The following GRIN2B variants were observed in gnomAD, a reference collection of about 807,000 sequenced individuals.
GRIN2B encodes glutamate receptor ionotropic, NMDA 2B.
Under a neutral mutation model 114.5 loss-of-function variants are expected in GRIN2B, and 5 were observed. The ratio of observed to expected loss-of-function variants is 0.04; its 90% CI spans 0.02 to 0.09. The LOEUF (loss-of-function observed/expected upper bound fraction) is 0.09. Ranked by LOEUF, GRIN2B falls within the 10% of genes least tolerant of loss-of-function variation. GRIN2B has a pLI of 1.00. For missense variants in GRIN2B, 1,108 were observed against 1,943.5 expected, an observed-to-expected ratio of 0.57 and a Z score of 8.08; for synonymous variants, 787 against 745.1, an observed-to-expected ratio of 1.06 and a Z score of -0.92.
chr12:13,594,126 A>C (rs567066204), intron 10 of GRIN2B, among the ~76,000 whole-genome samples: 1 of 152,216 alleles, frequency 6.6e-6, no homozygotes, highest in African/African-American at 2.4e-5. Flanking sequence ...CAATTCCTCA[A>C]GGATCTAGAA....
chr12:13,574,232 TA>T (rs1215192161), intron 10 of GRIN2B, among the ~76,000 whole-genome samples: 4 of 152,166 alleles, frequency 2.6e-5, no homozygotes, highest in Admixed American at 6.5e-5. Flanking sequence ...AAGCTTAAAG[TA>T]AATAGGGATA....
chr12:13,753,832 G>A lies in GRIN2B; in HGVS notation c.495C>T (p.Asp165=), dbSNP rs750970219. ...SVMLNIMEEY[D]WYIFSIVTTY... is the part of the protein sequence containing the mutation. ...TGGTGACGATAGAAAAGATGTACCA[G>A]TCATATTCTTCCATGATGTTGAGCA... Residue 165 remains aspartate, a synonymous_variant, in exon 4 of 14, where the codon GAC becomes GAT. Transcript: ENST00000609686. The surrounding 1 kb of genome is among the most constrained non-coding windows in gnomAD (Gnocchi z 6.2). 2 of 1,613,584 alleles carry A rather than the reference G, an allele frequency of 1.2e-6. No individual in the cohort carries two copies. The highest frequency in any genetic ancestry group is 1.7e-5 in the Admixed American group (1 of 59,958).
chr12:13,873,022 A>G (rs1865935791), intron 2 of GRIN2B, among the ~76,000 whole-genome samples: 1 of 152,354 alleles, frequency 6.6e-6, no homozygotes, highest in Admixed American at 6.5e-5. Context: ...AAAGGATAAA[A>G]GTACCCAAAG....
At chr12:13,597,012 G>C (rs756947780) in intron 10 of GRIN2B, among the ~76,000 whole-genome samples, 1 of 152,230 alleles carries the variant, frequency 6.6e-6, no homozygotes, top group Non-Finnish European at 1.5e-5. Flanking sequence ...CAGTATCACA[G>C]GGGCAGATGC....
At position 13,563,197 on chromosome 12, in the gene GRIN2B, G is replaced by T. The variant is rs769147604; in HGVS notation, c.4041C>A (p.Ser1347Arg). The T allele has an allele frequency of 4.0e-5, 64 of 1,614,100 alleles. No homozygotes were observed. The highest frequency in any genetic ancestry group is 5.3e-5 in the Non-Finnish European group (63 of 1,180,046). Residue 1347 changes from serine (S) to arginine (R), a missense_variant, in exon 14 of 14, where the codon AGC (serine) becomes AGA (arginine). Around this residue, in one of 19 missense-constraint regions of GRIN2B, gnomAD observed 478 missense variants for 506.0 expected, o/e 0.94. Transcript: ENST00000609686. ...CTGAGGACTTGTTGTTGGCAAAGGT[G>T]CTCTCGCCAGCTGACATCTCAAACA... The part of the protein sequence containing the change: ...AHMFEMSAGE[S>R]TFANNKSSVP...
At chr12:13,599,983 G>C (rs1440437890) in intron 10 of GRIN2B, among the ~76,000 whole-genome samples, 1 of 152,184 alleles carries the variant, frequency 6.6e-6, no homozygotes, top group Non-Finnish European at 1.5e-5. Context: ...AATTAAAATT[G>C]TTTGTTGCCT....
intron 2 of GRIN2B, among the ~76,000 whole-genome samples, chr12:13,956,738 G>A (rs1867599491): frequency 6.6e-6 from 1 of 152,104 alleles, no homozygotes; most frequent in African/African-American, 2.4e-5. Context: ...ACATATTCAC[G>A]GCAATGAAGC....
At chr12:13,667,059 G>A (rs1323852010) in intron 5 of GRIN2B, among the ~76,000 whole-genome samples, 1 of 152,128 alleles carries the variant, frequency 6.6e-6, no homozygotes, top group Non-Finnish European at 1.5e-5. Context: ...AATAGAAACA[G>A]CGCTGGAAAG....
chr12:13,583,388 C>A (rs1352979901), intron 10 of GRIN2B, among the ~76,000 whole-genome samples: 1 of 152,148 alleles, frequency 6.6e-6, no homozygotes, highest in African/African-American at 2.4e-5. Context: ...GACAGGGAAA[C>A]TAATGCACAG....
intron 2 of GRIN2B, among the ~76,000 whole-genome samples, chr12:13,903,393 T>C (rs1222817387): frequency 6.6e-6 from 1 of 152,144 alleles, no homozygotes; most frequent in Non-Finnish European, 1.5e-5. Context: ...GATTGTTTTA[T>C]CTGCAACCTA....
intron 3 of GRIN2B, among the ~76,000 whole-genome samples, chr12:13,852,967 C>T (rs1865597645): frequency 6.6e-6 from 1 of 152,144 alleles, no homozygotes; most frequent in African/African-American, 2.4e-5. Flanking sequence ...CCTCCTATTA[C>T]TCATCAAGAA....
chr12:13,709,719 G>A (rs1258144727), intron 4 of GRIN2B, among the ~76,000 whole-genome samples: 46 of 151,926 alleles, frequency 3.0e-4, no homozygotes, highest in Non-Finnish European at 7.4e-5. Context: ...GCTCTAAAAC[G>A]AAGTCCCGGC....
At chr12:13,645,969 C>T (rs1949758172) in intron 5 of GRIN2B, among the ~76,000 whole-genome samples, 2 of 152,050 alleles carry the variant, frequency 1.3e-5, no homozygotes, top group South Asian at 4.1e-4. Context: ...TTAGAAGAAA[C>T]TCAAAGGCAT....
intron 2 of GRIN2B, among the ~76,000 whole-genome samples, chr12:13,881,696 C>T (rs139253858): frequency 2.0e-5 from 3 of 152,314 alleles, no homozygotes; most frequent in Non-Finnish European, 4.4e-5. Flanking sequence ...CTTCATCACC[C>T]GATGCAATAT....
Position 13,658,568 on chromosome 12 carries a change from T to C in GRIN2B, c.1125+17177A>G, listed in dbSNP as rs12306580. On this transcript the variant is annotated intron_variant, in intron 5 of 13. Transcript: ENST00000609686. ...GAAGAGTCTTTTAAGCGGCCAATAA[T>C]TCAGCTGGAGAATAAAAACATAGAT... Among the ~76,000 whole-genome samples the C allele has an allele frequency of 6.0e-3, 916 of 152,202 alleles. 9 individuals are homozygous for C. Among genetic ancestry groups the C allele is most frequent in the African/African-American group, 0.021 (867 of 41,534 alleles).
At chr12:13,734,781 T>C (rs937841749) in intron 4 of GRIN2B, among the ~76,000 whole-genome samples, 2 of 152,166 alleles carry the variant, frequency 1.3e-5, no homozygotes, top group African/African-American at 4.8e-5. Flanking sequence ...CTGCCTGGAA[T>C]CGTCAGAGAA....
At chr12:13,769,828 C>T (rs1863871560) in intron 3 of GRIN2B, among the ~76,000 whole-genome samples, 1 of 152,210 alleles carries the variant, frequency 6.6e-6, no homozygotes, top group Admixed American at 6.5e-5. Context: ...AGTGAAGCTG[C>T]ATGAAACCCT....
intron 2 of GRIN2B, among the ~76,000 whole-genome samples, chr12:13,955,896 G>T (rs1591639874): frequency 2.0e-5 from 3 of 152,298 alleles, no homozygotes; most frequent in Admixed American, 2.0e-4. Flanking sequence ...GGGGGCCCCA[G>T]CTGCATGGTG....
rs577753776 is a variant in GRIN2B at position 13,660,718 on chromosome 12, C to T, written c.1125+15027G>A. On this transcript the variant is annotated intron_variant, in intron 5 of 13. Coordinates refer to ENST00000609686, the MANE Select transcript of GRIN2B (RefSeq NM_000834.5). ...GGTGGGATGAAGGGATCTAAAATCG[C>T]CAAAAAGAGACTAAGCACTTCCTTT... 1.2e-4 allele frequency among the ~76,000 whole-genome samples: 18 copies of T among 152,240 alleles called. No individual in the cohort carries two copies. The South Asian group carries it at 3.5e-3, about 30-fold the overall frequency.
Sources: gnomAD v4.1 joint callset for allele counts (sites outside exome capture counted in the v4.1 genomes callset) on GRCh38, gnomAD v4.1.1 for gene constraint, gnomAD v4.1.1 regional missense constraint, Gnocchi (gnomAD v3.1) non-coding constraint, MANE v1.5 for transcripts, NCBI Gene and HGNC (gene_info 2026-07-23, HGNC 2026-07-21) for gene names.